Variants in ZNF135 observed in about 807,000 individuals in gnomAD.
ZNF135 encodes zinc finger protein 135, also known as zinc finger protein 135 (clone pHZ-17).
ZNF135 carries 11 observed loss-of-function variants against 12.3 expected under a neutral mutation model. The ratio of observed to expected loss-of-function variants is 0.89; its 90% CI spans 0.56 to 1.48. ZNF135 has a LOEUF of 1.48. Ranked by LOEUF, ZNF135 falls within the 40% of genes most tolerant of loss-of-function variation. The pLI is 0.00. For missense variants in ZNF135, 722 were observed against 815.7 expected (o/e 0.89, Z 1.40); for synonymous variants, 316 against 312.0 (o/e 1.01, Z -0.14).
At chr19:58,064,366 A>G (rs1431751333) in intron 4 of ZNF135, among the ~76,000 whole-genome samples, 2 of 152,106 alleles carry the variant, frequency 1.3e-5, no homozygotes, top group Non-Finnish European at 2.9e-5. Flanking sequence ...CCATTTATAC[A>G]TGGATTTTCT....
chr19:58,059,810 G>A lies in ZNF135; in HGVS notation c.-34-159G>A, dbSNP rs1193237400. On this transcript the variant is annotated intron_variant, in intron 1 of 4. Coordinates refer to ENST00000313434, the MANE Select transcript of ZNF135 (RefSeq NM_001289401.2). This position sits in a 1 kb window ranked among gnomAD's most constrained non-coding sequence, Gnocchi z 6.5. ...GGAAAACCCTAGGCTGCCCTTCTCC[G>A]AGCGGAGGGCCGCCCCACACACAGC... is the stretch of plus-strand genomic sequence containing the variant. 1.0e-5 allele frequency: 9 copies of A among 861,122 alleles called. No individual in the cohort carries two copies. The East Asian group carries it at 1.6e-4, about 16-fold the overall frequency. 53.3% of individuals were successfully genotyped at this position (861,122 alleles called of 1,614,324 possible).
intron 4 of ZNF135, among the ~76,000 whole-genome samples, chr19:58,064,799 G>A (rs2074039537): frequency 6.6e-6 from 1 of 152,122 alleles, no homozygotes; most frequent in South Asian, 2.1e-4. Flanking sequence ...GCTGAGGCAG[G>A]AGAACTGCTT....
rs1021215352 is a variant in ZNF135 at position 58,063,185 on chromosome 19, A to C, written c.161-261A>C. Among the ~76,000 whole-genome samples, 1 of 152,166 alleles carries C rather than the reference A, an allele frequency of 6.6e-6. No individual in the cohort carries two copies. Among genetic ancestry groups the C allele is most frequent in the Non-Finnish European group, 1.5e-5 (1 of 68,020 alleles). On this transcript the variant is annotated intron_variant, in intron 3 of 4. Coordinates refer to ENST00000313434, the MANE Select transcript of ZNF135 (RefSeq NM_001289401.2). The surrounding 1 kb of genome is among the most constrained non-coding windows in gnomAD (Gnocchi z 4.4). Reference sequence around the variant, plus strand: ...CAGGTCTTCTTCACAGTGATCATTGATGCCAGTGGGCAGGGGAGGAACCAG... The same window carrying C: ...CAGGTCTTCTTCACAGTGATCATTGCTGCCAGTGGGCAGGGGAGGAACCAG...
chr19:58,060,127 C>G lies in ZNF135; in HGVS notation c.33+92C>G. On this transcript the variant is annotated intron_variant, in intron 2 of 4. Transcript: ENST00000313434. The surrounding 1 kb of genome is among the most constrained non-coding windows in gnomAD (Gnocchi z 4.9). The stretch of plus-strand genomic sequence containing the variant: ...TCACGCCCGGCCTCCTCTTTGCACC[C>G]CGTCCCTACTCGCGCTCAGCCTCCT... 6.3e-7 allele frequency: 1 copy of G among 1,595,210 alleles called. No homozygotes were observed. The highest frequency in any genetic ancestry group is 2.3e-5 in the East Asian group (1 of 44,278).
In ZNF135 at chr19:58,065,546, T is replaced by C. The variant is rs143940837; in HGVS notation, c.257-1195T>C. Among the ~76,000 whole-genome samples, 2 of 152,332 alleles carry C rather than the reference T, an allele frequency of 1.3e-5. No individual in the cohort carries two copies. Among genetic ancestry groups the C allele is most frequent in the East Asian group, 3.9e-4 (2 of 5,186 alleles). ...AGCTTCTAGAGGCACCCACATTCCT[T>C]GGCTATGGCCTTGTCCATCTTCACA... On this transcript the variant is annotated intron_variant, in intron 4 of 4. Coordinates refer to ENST00000313434, the MANE Select transcript of ZNF135 (RefSeq NM_001289401.2). This position sits in a 1 kb window ranked among gnomAD's most constrained non-coding sequence, Gnocchi z 4.0.
chr19:58,063,363 G>A lies in ZNF135; in HGVS notation c.161-83G>A. 2 of 1,582,176 alleles carry A rather than the reference G, an allele frequency of 1.3e-6. No homozygotes were observed. The highest frequency in any genetic ancestry group is 1.8e-5 in the Admixed American group (1 of 56,032). ...AGGGGTCCCCAGCCATCTGGGACCTGGAAGACCAAAGGTGGAATGGGCTGA... is the reference window on the plus strand; with the variant it reads ...AGGGGTCCCCAGCCATCTGGGACCTAGAAGACCAAAGGTGGAATGGGCTGA... On this transcript the variant is annotated intron_variant, in intron 3 of 4. Coordinates refer to ENST00000313434, the MANE Select transcript of ZNF135 (RefSeq NM_001289401.2). The surrounding 1 kb of genome is among the most constrained non-coding windows in gnomAD (Gnocchi z 4.4).
Position 58,060,522 on chromosome 19 carries a change from C to G in ZNF135, c.33+487C>G. On this transcript the variant is annotated intron_variant, in intron 2 of 4. Transcript: ENST00000313434. The surrounding 1 kb of genome is among the most constrained non-coding windows in gnomAD (Gnocchi z 4.9). ...GGCTCTGCAGTCTGAAGTTGAAGGCCTTAGCATGCTCTGCGCTCCAAGATG... is the reference window on the plus strand; with the variant it reads ...GGCTCTGCAGTCTGAAGTTGAAGGCGTTAGCATGCTCTGCGCTCCAAGATG... 2.3e-6 allele frequency: 2 copies of G among 874,464 alleles called. No individual in the cohort carries two copies. The allele number at this position is 874,464 out of a possible 1,614,324, so 54.2% of individuals were successfully genotyped here.
chr19:58,060,321 C>T lies in ZNF135; in HGVS notation c.33+286C>T. 1 of 1,344,148 alleles carries T rather than the reference C, an allele frequency of 7.4e-7. No homozygotes were observed. The highest frequency in any genetic ancestry group is 9.6e-7 in the Non-Finnish European group (1 of 1,044,358). 83.3% of individuals were successfully genotyped at this position (1,344,148 alleles called of 1,614,324 possible). A position where few individuals can be genotyped will look rare whatever the true frequency, so the allele number is the denominator to read the frequency against. ...TACTCGTGTCCGGCCTCTACCTGCA[C>T]ACCCGGCCTCCTAAAGTCCGCGCCA... On this transcript the variant is annotated intron_variant, in intron 2 of 4. Transcript: ENST00000313434. The surrounding 1 kb of genome is among the most constrained non-coding windows in gnomAD (Gnocchi z 4.9).
chr19:58,069,431 T>G lies in ZNF135; in HGVS notation c.*970T>G, dbSNP rs1038028640. On this transcript the variant is annotated 3_prime_UTR_variant, in exon 5 of 5. Coordinates refer to ENST00000313434, the MANE Select transcript of ZNF135 (RefSeq NM_001289401.2). The stretch of plus-strand genomic sequence containing the variant: ...AAACTTCTGTTTTGCAAGATTCATC[T>G]TTTTTGGGATATGTTCAAGTTAATC... The G allele has an allele frequency of 2.6e-5, 4 of 152,246 alleles. No homozygotes were observed. Among genetic ancestry groups the G allele is most frequent in the African/African-American group, 7.2e-5 (3 of 41,458 alleles). 9.4% of individuals were successfully genotyped at this position (152,246 alleles called of 1,614,324 possible). A position where few individuals can be genotyped will look rare whatever the true frequency, so the allele number is the denominator to read the frequency against.
Position 58,068,587 on chromosome 19 carries a change from C to T in ZNF135, c.*126C>T, listed in dbSNP as rs1266434533. 4.0e-6 allele frequency: 4 copies of T among 1,006,412 alleles called. No individual in the cohort carries two copies. In the Admixed American group the frequency reaches 1.1e-4, roughly 27 times the overall value. The allele number at this position is 1,006,412 out of a possible 1,614,324, so 62.3% of individuals were successfully genotyped here. A position where few individuals can be genotyped will look rare whatever the true frequency, so the allele number is the denominator to read the frequency against. The stretch of plus-strand genomic sequence containing the variant: ...CACAAGCCTTTTCACACAGCACTCC[C>T]CTCAGACACCCTCAGAGAGTTCACA... On this transcript the variant is annotated 3_prime_UTR_variant, in exon 5 of 5. Coordinates refer to ENST00000313434, the MANE Select transcript of ZNF135 (RefSeq NM_001289401.2).
chr19:58,059,392 T>C lies in ZNF135; in HGVS notation c.-35+82T>C. The stretch of plus-strand genomic sequence containing the variant: ...GGTGCGGGGGGTCCGGGGATCTTCC[T>C]GAGGCCCTGGCGGGGCGAGTTTCCA... On this transcript the variant is annotated intron_variant, in intron 1 of 4. Transcript: ENST00000313434. The surrounding 1 kb of genome is among the most constrained non-coding windows in gnomAD (Gnocchi z 6.5). 1.1e-6 allele frequency: 1 copy of C among 870,658 alleles called. No homozygotes were observed. Among genetic ancestry groups the C allele is most frequent in the Non-Finnish European group, 1.6e-6 (1 of 614,612 alleles). 53.9% of individuals were successfully genotyped at this position (870,658 alleles called of 1,614,324 possible).
At chr19:58,064,989 C>A (rs1319363062) in intron 4 of ZNF135, among the ~76,000 whole-genome samples, 2 of 152,216 alleles carry the variant, frequency 1.3e-5, no homozygotes, top group Admixed American at 6.5e-5. Context: ...CACAGATTTT[C>A]GATTGTACTG....
chr19:58,063,265 TCAGG>T lies in ZNF135; in HGVS notation c.161-180_161-177del, dbSNP rs2074011053. ...GTCCACCCCAGAACCAGTGGTAGGG[TCAGG>T]GACTGAGAGTAGGGGAATGAGTCCC... On this transcript the variant is annotated intron_variant, in intron 3 of 4. Coordinates refer to ENST00000313434, the MANE Select transcript of ZNF135 (RefSeq NM_001289401.2). This position sits in a 1 kb window ranked among gnomAD's most constrained non-coding sequence, Gnocchi z 4.4. Among the ~76,000 whole-genome samples the T allele has an allele frequency of 8.2e-6, 1 of 121,284 alleles. No individual in the cohort carries two copies. The highest frequency in any genetic ancestry group is 8.6e-5 in the Admixed American group (1 of 11,614). 79.6% of individuals were successfully genotyped at this position (121,284 alleles called of 152,430 possible).
At position 58,063,028 on chromosome 19, in the gene ZNF135, A is replaced by G; in HGVS notation, c.161-418A>G. ...GGACACCAACATTCAGACCATAGCA[A>G]TCTCTTTCTGGCTTCATTTCCAGAG... On this transcript the variant is annotated intron_variant, in intron 3 of 4. Coordinates refer to ENST00000313434, the MANE Select transcript of ZNF135 (RefSeq NM_001289401.2). The surrounding 1 kb of genome is among the most constrained non-coding windows in gnomAD (Gnocchi z 4.4). Among the ~76,000 whole-genome samples the G allele has an allele frequency of 6.6e-6, 1 of 152,124 alleles. No homozygotes were observed. The highest frequency in any genetic ancestry group is 1.9e-4 in the East Asian group (1 of 5,182).
In ZNF135 at chr19:58,068,396, G is replaced by C. The variant is rs1195790587; in HGVS notation, c.1912G>C (p.Asp638His). The part of the protein sequence containing the change: ...HTGEKPYACR[D>H]CGKAFTHSSS... ...AGGAGAGAAGCCATATGCATGCAGG[G>C]ACTGTGGAAAGGCCTTTACCCACAG... Residue 638 changes from aspartate (D) to histidine (H), a missense_variant, in exon 5 of 5, where the codon GAC becomes CAC. By Grantham distance (81) the Asp-to-His change is moderately conservative. Transcript: ENST00000313434. 2 of 1,614,056 alleles carry C rather than the reference G, an allele frequency of 1.2e-6. No homozygotes were observed.
intron 2 of ZNF135, among the ~76,000 whole-genome samples, chr19:58,061,129 G>GA (rs1426313108): frequency 6.5e-5 from 3 of 45,960 alleles, no homozygotes; most frequent in African/African-American, 1.0e-4. Context: ...CTCCGTCTCG[G>GA]GGGAAAAAAA....
In ZNF135 at chr19:58,060,758, T is replaced by C. The variant is rs943320007; in HGVS notation, c.33+723T>C. Among the ~76,000 whole-genome samples, 4 of 152,224 alleles carry C rather than the reference T, an allele frequency of 2.6e-5. No individual in the cohort carries two copies. The South Asian group carries it at 8.3e-4, about 32-fold the overall frequency. ...TTGCTTGAGCCCAGGAGTTGGAGGC[T>C]GCAGTGAGCCATGATGTGCCACTGC... On this transcript the variant is annotated intron_variant, in intron 2 of 4. Coordinates refer to ENST00000313434, the MANE Select transcript of ZNF135 (RefSeq NM_001289401.2). This position sits in a 1 kb window ranked among gnomAD's most constrained non-coding sequence, Gnocchi z 4.9.
rs2074049364 is a variant in ZNF135, at chr19:58,065,453, C to T, written c.257-1288C>T. ...TCAAGGAGTCCTCCCACCTCAGCTGCCCAAAGTGTTGAGATTACAGGCATG... is the reference window on the plus strand; with the variant it reads ...TCAAGGAGTCCTCCCACCTCAGCTGTCCAAAGTGTTGAGATTACAGGCATG... On this transcript the variant is annotated intron_variant, in intron 4 of 4. Transcript: ENST00000313434. The surrounding 1 kb of genome is among the most constrained non-coding windows in gnomAD (Gnocchi z 4.0). Among the ~76,000 whole-genome samples the T allele has an allele frequency of 6.6e-6, 1 of 152,178 alleles. No individual in the cohort carries two copies. Among genetic ancestry groups the T allele is most frequent in the Non-Finnish European group, 1.5e-5 (1 of 68,036 alleles).
chr19:58,062,241 C>A (rs2073993671), intron 3 of ZNF135, among the ~76,000 whole-genome samples: 2 of 152,152 alleles, frequency 1.3e-5, no homozygotes, highest in Non-Finnish European at 2.9e-5. Flanking sequence ...TCTCAAGCTT[C>A]TTTTATAAGG....
Sources: gnomAD v4.1 joint callset for allele counts (sites outside exome capture counted in the v4.1 genomes callset) on GRCh38, gnomAD v4.1.1 for gene constraint, Gnocchi (gnomAD v3.1) non-coding constraint, MANE v1.5 for transcripts, NCBI Gene and HGNC (gene_info 2026-07-23, HGNC 2026-07-21) for gene names.